SLC25A43: variants seen among roughly 807,000 people sequenced by gnomAD.
SLC25A43 encodes solute carrier family 25, member 43.
A neutral mutation model predicts 22.8 loss-of-function variants in SLC25A43; 10 were observed. That is an observed-to-expected ratio of 0.44 (90% confidence interval 0.27 to 0.74). SLC25A43 has a LOEUF of 0.74. Ranked by LOEUF, SLC25A43 falls within the 30% of genes least tolerant of loss-of-function variation. The probability of loss-of-function intolerance (pLI) is 0.17; values close to 1 mark genes in which losing one functional copy is unlikely to be tolerated. For missense variants in SLC25A43, 233 were observed against 279.1 expected, an observed-to-expected ratio of 0.83 and a Z score of 1.18; for synonymous variants, 106 against 121.6, an observed-to-expected ratio of 0.87 and a Z score of 0.84.
At chrX:119,407,258 C>G (rs1273739803) in intron 2 of SLC25A43, among the ~76,000 whole-genome samples, 5 of 111,392 alleles carry the variant, frequency 4.5e-5, no homozygotes, top group Non-Finnish European at 9.4e-5. Flanking sequence ...TCCGGCCCAT[C>G]TGGGTCGTCT....
At chrX:119,441,735 G>C (rs1304954329) in intron 3 of SLC25A43, among the ~76,000 whole-genome samples, 1 of 111,503 alleles carries the variant, frequency 9.0e-6, no homozygotes, top group Admixed American at 9.5e-5. Context: ...TTTATTCTAA[G>C]TGTGATGTAA....
intron 1 of SLC25A43, among the ~76,000 whole-genome samples, chrX:119,403,998 CTTTTTTTT>C (rs138714378): frequency 3.5e-5 from 3 of 86,005 alleles, no homozygotes; most frequent in Non-Finnish European, 6.7e-5. Flanking sequence ...GCCTCCAGAA[CTTTTTTTT>C]TTTTTTTTTT....
At position 119,399,623 on chromosome X, in the gene SLC25A43, G is replaced by A. The variant is rs953301014; in HGVS notation, c.220G>A (p.Val74Met). The A allele has an allele frequency of 2.9e-6, 3 of 1,022,014 alleles. No homozygotes were observed. Among genetic ancestry groups the A allele is most frequent in the Non-Finnish European group, 3.7e-6 (3 of 805,115 alleles). The allele number at this position is 1,022,014 out of a possible 1,213,427, so 84.2% of individuals were successfully genotyped here. The change falls in exon 1 of 5, where the codon GTG becomes ATG. Residue 74 changes from valine to methionine, a missense_variant. By Grantham distance (21) the Val-to-Met change is conservative. Coordinates refer to ENST00000217909, the MANE Select transcript of SLC25A43 (RefSeq NM_145305.3). ...CCGGGCCCTGTGGAAGGGGAACGCG[G>A]TGGCGTGCCTGCGCCTCTTCCCCTG... ...GLRALWKGNA[V>M]ACLRLFPCSA...
At chrX:119,422,883 T>G in intron 3 of SLC25A43, 1 of 112,402 alleles carries the variant, frequency 8.9e-6, no homozygotes, top group East Asian at 2.8e-4. Flanking sequence ...GGAAAAATTC[T>G]TGACACCATT....
At chrX:119,412,319 A>G (rs1268357815) in intron 3 of SLC25A43, among the ~76,000 whole-genome samples, 1 of 111,626 alleles carries the variant, frequency 9.0e-6, no homozygotes, top group Non-Finnish European at 1.9e-5. Flanking sequence ...TTTATATATT[A>G]AAGATATTAA....
chrX:119,441,669 A>C (rs1271752468), intron 3 of SLC25A43, among the ~76,000 whole-genome samples: 2 of 111,485 alleles, frequency 1.8e-5, no homozygotes, highest in Non-Finnish European at 3.8e-5. Context: ...TACCTGCTCC[A>C]CCGGGCCCAG....
At chrX:119,409,208 T>C (rs2147257499) in intron 2 of SLC25A43, among the ~76,000 whole-genome samples, 1 of 109,199 alleles carries the variant, frequency 9.2e-6, no homozygotes, top group East Asian at 2.9e-4. Flanking sequence ...TGAGACAGAA[T>C]CTTGCTCTGT....
intron 3 of SLC25A43, among the ~76,000 whole-genome samples, chrX:119,447,014 C>T (rs1030265944): frequency 1.8e-5 from 2 of 111,189 alleles, no homozygotes; most frequent in Non-Finnish European, 3.8e-5. Flanking sequence ...AGTGCAGTGG[C>T]GTGATCTCAG....
intron 4 of SLC25A43, 121 bp from the exon 5 acceptor site, chrX:119,452,744 T>C: frequency 1.8e-6 from 1 of 544,414 alleles, no homozygotes; most frequent in Non-Finnish European, 3.0e-6. Context: ...AGTTACCATT[T>C]GTATTGCCAC....
rs745650897 is a variant in SLC25A43 at position 119,443,915 on chromosome X, C to T, written c.691-8094C>T. On this transcript the variant is annotated intron_variant, in intron 3 of 4. Coordinates refer to ENST00000217909, the MANE Select transcript of SLC25A43 (RefSeq NM_145305.3). The stretch of plus-strand genomic sequence containing the variant: ...GACTACAGGTACATGCCATCATGCC[C>T]GGCTAATTTTTTTTTCTTTTGTAGA... Among the ~76,000 whole-genome samples, 8 of 107,731 alleles carry T rather than the reference C, an allele frequency of 7.4e-5. No individual in the cohort carries two copies. The East Asian group carries it at 1.5e-3, about 20-fold the overall frequency. The allele number at this position is 107,731 out of a possible 115,157, so 93.6% of individuals were successfully genotyped here. A position where few individuals can be genotyped will look rare whatever the true frequency, so the allele number is the denominator to read the frequency against.
chrX:119,409,373 G>A (rs1032486129), intron 2 of SLC25A43, among the ~76,000 whole-genome samples: 2 of 108,075 alleles, frequency 1.9e-5, no homozygotes, highest in African/African-American at 6.7e-5. Context: ...TAGAGATGGA[G>A]TTTCCGTTTT....
chrX:119,417,585 C>T (rs757082523), intron 3 of SLC25A43, among the ~76,000 whole-genome samples: 2 of 108,692 alleles, frequency 1.8e-5, no homozygotes, highest in Non-Finnish European at 3.8e-5. Flanking sequence ...GCCAACACCG[C>T]ATTCTACACC....
At chrX:119,426,270 A>T (rs950090137) in intron 3 of SLC25A43, 17 of 751,147 alleles carry the variant, frequency 2.3e-5, no homozygotes, top group African/African-American at 4.6e-5. Context: ...TGAGCTTTGG[A>T]TCCCAGCCTT....
chrX:119,399,737 C>T, intron 1 of SLC25A43, 59 bp downstream of exon 1: 1 of 968,162 alleles, frequency 1.0e-6, no homozygotes, highest in Non-Finnish European at 1.3e-6. Flanking sequence ...GTGGGGGAGC[C>T]GCGGCCCGAC....
At chrX:119,405,112 A>G (rs1380688441) in intron 1 of SLC25A43, among the ~76,000 whole-genome samples, 1 of 112,026 alleles carries the variant, frequency 8.9e-6, no homozygotes. Flanking sequence ...GGACTAGGGA[A>G]GTTAGGAGCC....
intron 3 of SLC25A43, among the ~76,000 whole-genome samples, chrX:119,451,155 ACT>A (rs770753592): frequency 9.9e-5 from 10 of 100,782 alleles, no homozygotes; most frequent in African/African-American, 3.9e-5. Flanking sequence ...AGAGTGTGAG[ACT>A]CTGTCGCAAA....
intron 3 of SLC25A43, among the ~76,000 whole-genome samples, chrX:119,421,541 C>A (rs188223711): frequency 1.8e-5 from 2 of 112,063 alleles, no homozygotes; most frequent in African/African-American, 6.5e-5. Flanking sequence ...AGTCACCAGG[C>A]CTTTGTTCAT....
At chrX:119,410,455 C>A in intron 3 of SLC25A43, 93 bp downstream of exon 3, 1 of 969,164 alleles carries the variant, frequency 1.0e-6, no homozygotes, top group Non-Finnish European at 1.4e-6. Context: ...CCAAGTGATG[C>A]CAGGTTTCCA....
chrX:119,424,577 G>T (rs1283319071), intron 3 of SLC25A43, among the ~76,000 whole-genome samples: 1 of 111,695 alleles, frequency 9.0e-6, no homozygotes, highest in Non-Finnish European at 1.9e-5. Flanking sequence ...TGAGGGAGCG[G>T]GAAAGCAAAC....
Sources: gnomAD v4.1 joint callset for allele counts (sites outside exome capture counted in the v4.1 genomes callset) on GRCh38, gnomAD v4.1.1 for gene constraint, MANE v1.5 for transcripts, NCBI Gene and HGNC (gene_info 2026-07-23, HGNC 2026-07-21) for gene names.